ZCCHC10: variants seen among roughly 807,000 people sequenced by gnomAD.
ZCCHC10 encodes zinc finger CCHC domain-containing protein 10.
A neutral mutation model predicts 19.5 loss-of-function variants in ZCCHC10; 16 were observed. That is an observed-to-expected ratio of 0.82 (90% CI 0.56 to 1.25). The LOEUF is 1.25. Among genes scored for constraint, ZCCHC10 ranks in the 50% most tolerant of loss-of-function variants. The pLI is 0.00. For missense variants in ZCCHC10, 197 were observed against 201.0 expected, an observed-to-expected ratio of 0.98 and a Z score of 0.12; for synonymous variants, 67 against 72.5, an observed-to-expected ratio of 0.92 and a Z score of 0.38.
chr5:133,002,182 C>T (rs932195888), intron 3 of ZCCHC10, among the ~76,000 whole-genome samples: 2 of 151,398 alleles, frequency 1.3e-5, no homozygotes, highest in Non-Finnish European at 2.9e-5. Flanking sequence ...AGGATGGTCT[C>T]GATCTCCTGA....
At position 133,001,953 on chromosome 5, in the gene ZCCHC10, C is replaced by CTTTT. The variant is rs34331639; in HGVS notation, c.270-1784_270-1781dup. 4.2e-4 allele frequency among the ~76,000 whole-genome samples: 33 copies of CTTTT among 77,844 alleles called. 2 individuals are homozygous for CTTTT. The highest frequency in any genetic ancestry group is 7.1e-4 in the Non-Finnish European group (28 of 39,404). 51.1% of individuals were successfully genotyped at this position (77,844 alleles called of 152,430 possible). ...TATAACTGAATCAAAATTCAGCAAT[C>CTTTT]TTTTTTTTTTTTTTTTTTTTTTTTT... On this transcript the variant is annotated intron_variant, in intron 3 of 4. Transcript: ENST00000509437.
At chr5:133,026,132 C>T (rs1012265041) in intron 1 of ZCCHC10, among the ~76,000 whole-genome samples, 9 of 152,296 alleles carry the variant, frequency 5.9e-5, no homozygotes, top group Middle Eastern at 3.4e-3. Context: ...TGAAGGTTTA[C>T]GTCGGCTGGA....
At chr5:133,026,140 G>A (rs1459372056) in intron 1 of ZCCHC10, among the ~76,000 whole-genome samples, 3 of 152,204 alleles carry the variant, frequency 2.0e-5, no homozygotes, top group Admixed American at 2.0e-4. Context: ...TACGTCGGCT[G>A]GAATAAAGGT....
chr5:133,004,680 C>T (rs1397309749), intron 3 of ZCCHC10, among the ~76,000 whole-genome samples: 2 of 151,042 alleles, frequency 1.3e-5, no homozygotes, highest in Non-Finnish European at 2.9e-5. Flanking sequence ...TTAGTAGAGA[C>T]AGGGTTTCAC....
At chr5:133,016,973 T>C (rs60942455) in intron 2 of ZCCHC10, among the ~76,000 whole-genome samples, 46,713 of 151,294 alleles carry the variant, frequency 0.31, 8,116 homozygotes, top group African/African-American at 0.47. Flanking sequence ...ACACAGGCTC[T>C]GGTACCCTAT....
intron 2 of ZCCHC10, among the ~76,000 whole-genome samples, chr5:133,009,191 TG>T (rs1407549759): frequency 6.6e-6 from 1 of 151,826 alleles, no homozygotes; most frequent in Non-Finnish European, 1.5e-5. Flanking sequence ...TTTGTAGAGG[TG>T]GGGTTTTGCC....
intron 2 of ZCCHC10, among the ~76,000 whole-genome samples, chr5:133,016,472 T>G (rs1323776359): frequency 6.6e-6 from 1 of 152,192 alleles, no homozygotes; most frequent in Non-Finnish European, 1.5e-5. Flanking sequence ...AGACGGAGTT[T>G]TGCGCCTGTG....
At chr5:133,012,636 C>T (rs189760324) in intron 2 of ZCCHC10, among the ~76,000 whole-genome samples, 143 of 152,052 alleles carry the variant, frequency 9.4e-4, no homozygotes, top group African/African-American at 3.2e-3. Flanking sequence ...GACTAGGGGC[C>T]GGTCACAGTG....
chr5:133,000,644 C>CTT (rs200042984), intron 3 of ZCCHC10, among the ~76,000 whole-genome samples: 6 of 134,536 alleles, frequency 4.5e-5, no homozygotes, highest in East Asian at 4.2e-4. Flanking sequence ...CCGTTATTTA[C>CTT]TTTTTTTTTT....
chr5:132,999,069 C>T (rs1182715028), intron 4 of ZCCHC10, among the ~76,000 whole-genome samples: 1 of 151,922 alleles, frequency 6.6e-6, no homozygotes, highest in Admixed American at 6.6e-5. Flanking sequence ...GTGCGCACAC[C>T]GACGCCCAGA....
At chr5:133,014,333 T>G (rs910072738) in intron 2 of ZCCHC10, among the ~76,000 whole-genome samples, 2 of 152,014 alleles carry the variant, frequency 1.3e-5, no homozygotes, top group African/African-American at 4.8e-5. Flanking sequence ...CTAATTTTTT[T>G]TTGTATTTTT....
In ZCCHC10 at chr5:133,026,511, T is replaced by A; in HGVS notation, c.27A>T (p.Ile9=). Residue 9 remains isoleucine (I), a synonymous_variant, in exon 1 of 5, where the codon ATA becomes ATT. Transcript: ENST00000509437. MATPMHRL[I]ARRQAFDTEL... ...TCCTTACTTACGCTTGTCTCCGGGC[T>A]ATTAGCCGATGCATGGGAGTCGCCA... The A allele has an allele frequency of 6.2e-7, 1 of 1,613,774 alleles. No homozygotes were observed. The highest frequency in any genetic ancestry group is 8.5e-7 in the Non-Finnish European group (1 of 1,179,940).
intron 3 of ZCCHC10, among the ~76,000 whole-genome samples, chr5:133,001,953 CTTTTTTTTTTTTTT>C (rs34331639): frequency 2.6e-5 from 2 of 77,842 alleles, no homozygotes; most frequent in Non-Finnish European, 5.1e-5. Context: ...ATTCAGCAAT[CTTTTTTTTTTTTTT>C]TTTTTTTTTT....
intron 2 of ZCCHC10, among the ~76,000 whole-genome samples, chr5:133,016,304 A>G (rs1311093618): frequency 6.6e-6 from 1 of 152,208 alleles, no homozygotes; most frequent in Non-Finnish European, 1.5e-5. Flanking sequence ...AAATATACAT[A>G]CTTACATCTA....
At chr5:133,013,327 A>G (rs948685626) in intron 2 of ZCCHC10, among the ~76,000 whole-genome samples, 4 of 151,640 alleles carry the variant, frequency 2.6e-5, no homozygotes, top group African/African-American at 9.7e-5. Context: ...AGTATTCATT[A>G]GTAATCAAAG....
intron 3 of ZCCHC10, among the ~76,000 whole-genome samples, chr5:133,005,145 A>G (rs1402431020): frequency 1.3e-5 from 2 of 151,494 alleles, no homozygotes. Flanking sequence ...TAAAAATACA[A>G]AAAATTAGCC....
chr5:133,026,308 T>C (rs894664815), intron 1 of ZCCHC10, among the ~76,000 whole-genome samples, 189 bp downstream of exon 1: 2 of 152,214 alleles, frequency 1.3e-5, no homozygotes, highest in African/African-American at 4.8e-5. Context: ...TTTACGCGGC[T>C]GTCTTCCGCG....
intron 3 of ZCCHC10, among the ~76,000 whole-genome samples, chr5:133,006,190 G>A (rs539817393): frequency 6.8e-6 from 1 of 147,102 alleles, no homozygotes; most frequent in Non-Finnish European, 1.5e-5. Context: ...TCACCATGTT[G>A]GCCAGGCGTC....
intron 2 of ZCCHC10, 109 bp downstream of exon 2, chr5:133,022,732 T>G: frequency 2.5e-6 from 1 of 392,868 alleles, no homozygotes; most frequent in Non-Finnish European, 4.6e-6. Context: ...ATTACAGGCA[T>G]GAGCCACCAC....
Sources: allele counts gnomAD v4.1 joint callset (sites outside exome capture counted in the v4.1 genomes callset), GRCh38; gene constraint gnomAD v4.1.1; transcripts MANE v1.5; gene names NCBI Gene and HGNC (gene_info 2026-07-23, HGNC 2026-07-21).